The following RALGPS2 variants were observed in gnomAD, a reference collection of about 807,000 sequenced individuals.
RALGPS2 encodes the protein Ral GEF with PH domain and SH3 binding motif 2, also known as ras-specific guanine nucleotide-releasing factor RalGPS2.
RALGPS2 carries 43 observed loss-of-function variants against 86.8 expected under a neutral mutation model. The observed-to-expected ratio is 0.50, with a 90% CI of 0.39 to 0.64. The LOEUF (loss-of-function observed/expected upper bound fraction) is 0.64, where lower values mean the gene tolerates loss of function less well. RALGPS2 is among the 30% of genes least tolerant of loss of function. The pLI is 0.00. For synonymous variants in RALGPS2, 243 were observed against 231.3 expected (o/e 1.05, Z -0.46); for missense variants, 536 against 694.6 (o/e 0.77, Z 2.57).
At chr1:178,789,484 G>A (rs1034799614) in intron 4 of RALGPS2, among the ~76,000 whole-genome samples, 1 of 152,214 alleles carries the variant, frequency 6.6e-6, no homozygotes, top group African/African-American at 2.4e-5. Context: ...TCCTGGGGCT[G>A]CTATTCATAT....
intron 1 of RALGPS2, among the ~76,000 whole-genome samples, chr1:178,757,534 A>G (rs900781446): frequency 2.6e-5 from 4 of 152,286 alleles, no homozygotes; most frequent in African/African-American, 9.6e-5. Context: ...CTTATTCTGT[A>G]TCTATTGAGA....
At chr1:178,823,765 C>G (rs747316821) in intron 7 of RALGPS2, among the ~76,000 whole-genome samples, 5 of 152,078 alleles carry the variant, frequency 3.3e-5, no homozygotes, top group Non-Finnish European at 5.9e-5. Flanking sequence ...AGAGAAGGAC[C>G]ATTGTGGGCT....
At chr1:178,803,535 G>A (rs984289109) in intron 4 of RALGPS2, among the ~76,000 whole-genome samples, 1 of 152,062 alleles carries the variant, frequency 6.6e-6, no homozygotes, top group Non-Finnish European at 1.5e-5. Flanking sequence ...CTAGCAGTTT[G>A]ATGTTTTCAG....
chr1:178,728,963 A>AG (rs1315979813), intron 1 of RALGPS2, among the ~76,000 whole-genome samples: 2 of 152,346 alleles, frequency 1.3e-5, no homozygotes, highest in African/African-American at 4.8e-5. Context: ...AAGGATCTAT[A>AG]TATACATACA....
intron 8 of RALGPS2, among the ~76,000 whole-genome samples, chr1:178,840,350 C>G (rs1417452344): frequency 6.6e-6 from 1 of 152,202 alleles, no homozygotes; most frequent in African/African-American, 2.4e-5. Flanking sequence ...AAGAAACTCA[C>G]TCAAAATCGC....
At chr1:178,807,832 G>A (rs1286507459) in intron 4 of RALGPS2, among the ~76,000 whole-genome samples, 1 of 152,092 alleles carries the variant, frequency 6.6e-6, no homozygotes, top group Non-Finnish European at 1.5e-5. Flanking sequence ...ATGTAAATTT[G>A]CCTATGTTTT....
At chr1:178,755,943 G>C (rs1006219837) in intron 1 of RALGPS2, among the ~76,000 whole-genome samples, 1 of 152,172 alleles carries the variant, frequency 6.6e-6, no homozygotes, top group Non-Finnish European at 1.5e-5. Context: ...GATTAGCGAT[G>C]TTGAACATTT....
intron 16 of RALGPS2, among the ~76,000 whole-genome samples, chr1:178,897,077 A>C (rs1408381629): frequency 6.6e-6 from 1 of 152,098 alleles, no homozygotes; most frequent in Non-Finnish European, 1.5e-5. Context: ...CAGTCCCACC[A>C]ACAAATTTAC....
chr1:178,852,487 A>C (rs1331379626), intron 8 of RALGPS2, among the ~76,000 whole-genome samples: 1 of 152,094 alleles, frequency 6.6e-6, no homozygotes, highest in African/African-American at 2.4e-5. Flanking sequence ...TTTGTTTTTC[A>C]CATAGATCAC....
intron 1 of RALGPS2, among the ~76,000 whole-genome samples, chr1:178,773,512 C>G (rs537334450): frequency 2.0e-5 from 3 of 152,188 alleles, no homozygotes; most frequent in Non-Finnish European, 2.9e-5. Flanking sequence ...AGAATAAACT[C>G]GTATCTCTGT....
chr1:178,766,651 A>G (rs1652523456), intron 1 of RALGPS2, among the ~76,000 whole-genome samples: 2 of 152,068 alleles, frequency 1.3e-5, no homozygotes, highest in African/African-American at 4.8e-5. Flanking sequence ...TAGATGACCT[A>G]CCTGCTCTCT....
chr1:178,852,697 T>G, intron 8 of RALGPS2: 1 of 1,613,058 alleles, frequency 6.2e-7, no homozygotes, highest in Non-Finnish European at 8.5e-7. Flanking sequence ...ATACATATCT[T>G]TATCTCTGTC....
chr1:178,748,630 A>G (rs184659075), intron 1 of RALGPS2, among the ~76,000 whole-genome samples: 2 of 152,160 alleles, frequency 1.3e-5, no homozygotes, highest in Admixed American at 6.5e-5. Context: ...AGGCAGGTGG[A>G]TCACCTGAGG....
At chr1:178,759,732 AT>A (rs796098883) in intron 1 of RALGPS2, among the ~76,000 whole-genome samples, 36 of 149,594 alleles carry the variant, frequency 2.4e-4, no homozygotes, top group East Asian at 1.4e-3. Context: ...TGCAATATCC[AT>A]TTTTTTTTGC....
At chr1:178,772,622 C>T (rs767488622) in intron 1 of RALGPS2, among the ~76,000 whole-genome samples, 2 of 152,082 alleles carry the variant, frequency 1.3e-5, no homozygotes, top group Non-Finnish European at 2.9e-5. Flanking sequence ...TCAAGCTGTT[C>T]AGGTATATGG....
chr1:178,845,287 A>G (rs1282042342), intron 8 of RALGPS2, among the ~76,000 whole-genome samples: 1 of 152,052 alleles, frequency 6.6e-6, no homozygotes, highest in African/African-American at 2.4e-5. Flanking sequence ...TTCCTGTTGG[A>G]GAGAGACTTC....
At chr1:178,749,127 G>A (rs561755546) in intron 1 of RALGPS2, among the ~76,000 whole-genome samples, 63 of 152,224 alleles carry the variant, frequency 4.1e-4, no homozygotes, top group African/African-American at 1.5e-3. Context: ...AGTCTGTCAC[G>A]TAATTAATAG....
At chr1:178,797,391 G>A (rs577439182) in intron 4 of RALGPS2, among the ~76,000 whole-genome samples, 7 of 152,166 alleles carry the variant, frequency 4.6e-5, no homozygotes, top group African/African-American at 1.7e-4. Context: ...TTTAATGCCA[G>A]GTAACCATAA....
At chr1:178,779,161 G>A (rs1216246200) in intron 2 of RALGPS2, among the ~76,000 whole-genome samples, 1 of 152,144 alleles carries the variant, frequency 6.6e-6, no homozygotes, top group African/African-American at 2.4e-5. Context: ...CTGGAATGTT[G>A]TAAGGGCTTA....
Sources: allele counts gnomAD v4.1 joint callset (sites outside exome capture counted in the v4.1 genomes callset), GRCh38; gene constraint gnomAD v4.1.1; transcripts MANE v1.5; gene names NCBI Gene and HGNC (gene_info 2026-07-23, HGNC 2026-07-21).